The following BCL7A variants were observed in gnomAD, a reference collection of about 807,000 sequenced individuals.
BCL7A encodes B-cell CLL/lymphoma 7 protein family member A.
In BCL7A, 11 loss-of-function variants were observed where a neutral mutation model predicts 28.4. The observed-to-expected ratio is 0.39, with a 90% CI of 0.24 to 0.64. The LOEUF (loss-of-function observed/expected upper bound fraction) is 0.64. BCL7A is among the 30% of genes least tolerant of loss of function. The probability of loss-of-function intolerance (pLI) is 0.50; values close to 1 mark genes in which losing one functional copy is unlikely to be tolerated. For missense variants in BCL7A, 222 were observed against 274.8 expected (o/e 0.81, Z 1.36); for synonymous variants, 123 against 103.3 (o/e 1.19, Z -1.15).
At chr12:122,051,636 C>G (rs1884192796) in intron 4 of BCL7A, among the ~76,000 whole-genome samples, 1 of 152,028 alleles carries the variant, frequency 6.6e-6, no homozygotes. Context: ...CAGCACGGGT[C>G]AGCGTGAGTC....
At chr12:122,024,350 G>A (rs566052360) in intron 1 of BCL7A, among the ~76,000 whole-genome samples, 1 of 152,298 alleles carries the variant, frequency 6.6e-6, no homozygotes, top group African/African-American at 2.4e-5. Context: ...TATTGAGGAC[G>A]ATTGAGGTCA....
intron 3 of BCL7A, among the ~76,000 whole-genome samples, chr12:122,041,785 T>G (rs376130103): frequency 6.6e-6 from 1 of 151,962 alleles, no homozygotes; most frequent in African/African-American, 2.4e-5. Context: ...AATACATAAA[T>G]GGCTGGGTGT....
Position 122,025,496 on chromosome 12 carries a change from G to T in BCL7A, c.92+3313G>T, listed in dbSNP as rs1196682998. Among the ~76,000 whole-genome samples the T allele has an allele frequency of 1.3e-5, 2 of 151,742 alleles. 1 individual carries two copies. ...AAAAAAATTAGCCAGGCGTGGTGGC[G>T]GGCGCCTGTAGTCCCAGCTACTTGG... On this transcript the variant is annotated intron_variant, in intron 1 of 5. Coordinates refer to ENST00000261822, the MANE Select transcript of BCL7A (RefSeq NM_001024808.3).
At chr12:122,044,899 G>A (rs182617448) in intron 4 of BCL7A, among the ~76,000 whole-genome samples, 15 of 152,108 alleles carry the variant, frequency 9.9e-5, no homozygotes, top group Non-Finnish European at 1.8e-4. Context: ...GATAAGTGTG[G>A]CAGAGAATTA....
chr12:122,026,666 A>T (rs994427222), intron 1 of BCL7A, among the ~76,000 whole-genome samples: 1 of 152,182 alleles, frequency 6.6e-6, no homozygotes, highest in Non-Finnish European at 1.5e-5. Flanking sequence ...GGTCAGGCAG[A>T]CCTGGGCCTA....
chr12:122,048,298 GA>G (rs1407823483), intron 4 of BCL7A, among the ~76,000 whole-genome samples: 1 of 152,074 alleles, frequency 6.6e-6, no homozygotes, highest in Non-Finnish European at 1.5e-5. Flanking sequence ...ATCTATGTCT[GA>G]ATCCAACAGC....
At chr12:122,056,435 T>TTTA (rs1951878718) in intron 5 of BCL7A, among the ~76,000 whole-genome samples, 1 of 152,008 alleles carries the variant, frequency 6.6e-6, no homozygotes, top group Non-Finnish European at 1.5e-5. Flanking sequence ...ACACACATAT[T>TTTA]GTCCACAGAG....
Position 122,062,036 on chromosome 12 carries a change from A to G in BCL7A, c.*2873A>G, listed in dbSNP as rs1216777117. 1 of 181,264 alleles carries G rather than the reference A, an allele frequency of 5.5e-6. No individual in the cohort carries two copies. The highest frequency in any genetic ancestry group is 1.2e-5 in the Non-Finnish European group (1 of 84,612). 11.2% of individuals were successfully genotyped at this position (181,264 alleles called of 1,614,324 possible). Reference sequence around the variant, plus strand: ...TTCATTTCAGAAAATAAAAATTTCAAATCATGAATACCTTGTGGTTTTGTC... The same window carrying G: ...TTCATTTCAGAAAATAAAAATTTCAGATCATGAATACCTTGTGGTTTTGTC... On this transcript the variant is annotated 3_prime_UTR_variant, in exon 6 of 6. Coordinates refer to ENST00000261822, the MANE Select transcript of BCL7A (RefSeq NM_001024808.3).
At chr12:122,043,802 G>A in intron 3 of BCL7A, 84 bp from the exon 4 acceptor site, 2 of 1,408,208 alleles carry the variant, frequency 1.4e-6, no homozygotes, top group Non-Finnish European at 1.9e-6. Flanking sequence ...GGGCATTGAG[G>A]CACAGGGATG....
chr12:122,027,997 T>C (rs2135840109), intron 1 of BCL7A, among the ~76,000 whole-genome samples: 1 of 152,294 alleles, frequency 6.6e-6, no homozygotes, highest in African/African-American at 2.4e-5. Flanking sequence ...GCTGAACCCG[T>C]GTGCCCACCC....
chr12:122,040,965 G>T (rs1452678417), intron 3 of BCL7A, among the ~76,000 whole-genome samples: 1 of 152,098 alleles, frequency 6.6e-6, no homozygotes, highest in East Asian at 1.9e-4. Flanking sequence ...GCGTGTGCTT[G>T]CCATAGGAAG....
chr12:122,036,424 A>C (rs998041542), intron 3 of BCL7A, among the ~76,000 whole-genome samples: 4 of 152,108 alleles, frequency 2.6e-5, no homozygotes, highest in African/African-American at 2.4e-5. Context: ...AGGCAAAAAA[A>C]CCCAAAAAAG....
At chr12:122,043,374 T>C (rs1183198770) in intron 3 of BCL7A, among the ~76,000 whole-genome samples, 2 of 104,856 alleles carry the variant, frequency 1.9e-5, no homozygotes, top group Non-Finnish European at 3.5e-5. Context: ...TTTGCCTCTC[T>C]GGACACATGG....
chr12:122,050,845 G>C lies in BCL7A; in HGVS notation c.440-3960G>C, dbSNP rs1183483754. Among the ~76,000 whole-genome samples, 20 of 152,236 alleles carry C rather than the reference G, an allele frequency of 1.3e-4. 1 individual carries two copies. Among genetic ancestry groups the C allele is most frequent in the Admixed American group, 1.3e-3 (20 of 15,280 alleles). ...AGAAGCTGCCTCCCTCGCCGGGAGC[G>C]AAGGGGGCGAGAACGCCAGCAAAGT... On this transcript the variant is annotated intron_variant, in intron 4 of 5. Transcript: ENST00000261822.
chr12:122,061,254 A>G lies in BCL7A; in HGVS notation c.*2091A>G. 4.3e-6 allele frequency: 1 copy of G among 231,218 alleles called. No homozygotes were observed. The highest frequency in any genetic ancestry group is 8.6e-6 in the Non-Finnish European group (1 of 116,728). The allele number at this position is 231,218 out of a possible 1,614,324, so 14.3% of individuals were successfully genotyped here. ...GAAACACACACATCCACAGAAACAG[A>G]GAGGCGTAGGTGGCCCTGCCGTTGA... On this transcript the variant is annotated 3_prime_UTR_variant, in exon 6 of 6. Transcript: ENST00000261822.
At chr12:122,036,534 A>G (rs563402988) in intron 3 of BCL7A, among the ~76,000 whole-genome samples, 5 of 152,232 alleles carry the variant, frequency 3.3e-5, no homozygotes, top group African/African-American at 1.2e-4. Flanking sequence ...TTTGAGAGGA[A>G]ACGTGCAAAT....
chr12:122,043,735 CA>C (rs58278577), intron 3 of BCL7A, 150 bp from the exon 4 acceptor site: 46,892 of 603,874 alleles, frequency 0.078, 25 homozygotes, highest in Non-Finnish European at 0.085. Context: ...AGATCCGTCT[CA>C]AAAAAAAAAA....
chr12:122,036,336 G>T (rs1329957417), intron 3 of BCL7A, among the ~76,000 whole-genome samples: 1 of 152,130 alleles, frequency 6.6e-6, no homozygotes, highest in Non-Finnish European at 1.5e-5. Flanking sequence ...GTTCAAGGCT[G>T]CAGTGAGCTA....
At chr12:122,022,334 G>C in intron 1 of BCL7A, 151 bp downstream of exon 1, 4 of 311,626 alleles carry the variant, frequency 1.3e-5, no homozygotes, top group Non-Finnish European at 1.8e-5. Flanking sequence ...GCGGACGGGC[G>C]GGCGGCGCGC....
Sources: gnomAD v4.1 joint callset for allele counts (sites outside exome capture counted in the v4.1 genomes callset) on GRCh38, gnomAD v4.1.1 for gene constraint, MANE v1.5 for transcripts, NCBI Gene and HGNC (gene_info 2026-07-23, HGNC 2026-07-21) for gene names.